RUSC2: variants seen among roughly 807,000 people sequenced by gnomAD.
RUSC2 encodes the protein AP-4 complex accessory subunit RUSC2.
RUSC2 carries 34 observed loss-of-function variants against 122.2 expected under a neutral mutation model. The observed-to-expected ratio is 0.28, with a 90% CI of 0.21 to 0.37. The LOEUF (loss-of-function observed/expected upper bound fraction) is 0.37, where lower values mean the gene tolerates loss of function less well. Among genes scored for constraint, RUSC2 ranks in the 10% least tolerant of loss-of-function variants. RUSC2 has a pLI of 1.00. For missense variants in RUSC2, 1,747 were observed against 1,952.4 expected, an observed-to-expected ratio of 0.89 and a Z score of 1.98; for synonymous variants, 784 against 790.0, an observed-to-expected ratio of 0.99 and a Z score of 0.13.
chr9:35,494,619 C>T (rs1303626718), intron 1 of RUSC2, among the ~76,000 whole-genome samples: 1 of 151,826 alleles, frequency 6.6e-6, no homozygotes, highest in African/African-American at 2.4e-5. Context: ...CTATTCAAGT[C>T]CTTTGCCCAT....
intron 1 of RUSC2, chr9:35,539,243 G>C (rs1464353270): frequency 1.3e-5 from 2 of 151,934 alleles, no homozygotes; most frequent in Non-Finnish European, 2.9e-5. Flanking sequence ...GGGGATAAAG[G>C]GGGGAACATG....
At chr9:35,536,900 G>A (rs986379294) in intron 1 of RUSC2, among the ~76,000 whole-genome samples, 2 of 150,974 alleles carry the variant, frequency 1.3e-5, no homozygotes, top group Non-Finnish European at 1.5e-5. Flanking sequence ...TCTGGGTAAT[G>A]AGAAACCATT....
intron 1 of RUSC2, among the ~76,000 whole-genome samples, chr9:35,497,871 G>T (rs530033286): frequency 3.3e-5 from 5 of 152,220 alleles, no homozygotes; most frequent in Admixed American, 3.3e-4. Flanking sequence ...ATCTACATCT[G>T]TCACACTTAG....
chr9:35,545,778 T>G (rs1315746145), intron 1 of RUSC2, among the ~76,000 whole-genome samples: 2 of 152,234 alleles, frequency 1.3e-5, no homozygotes, highest in East Asian at 3.9e-4. Context: ...CCCAACTCAG[T>G]GTCTGCATTC....
chr9:35,496,976 G>A (rs1399995360), intron 1 of RUSC2, among the ~76,000 whole-genome samples: 2 of 152,202 alleles, frequency 1.3e-5, no homozygotes, highest in Non-Finnish European at 2.9e-5. Flanking sequence ...ATTAAACTAT[G>A]AGTATGTATA....
chr9:35,503,267 C>G (rs994502028), intron 1 of RUSC2, among the ~76,000 whole-genome samples: 1 of 152,152 alleles, frequency 6.6e-6, no homozygotes. Context: ...CCACCCCCGC[C>G]GTTACTCCTC....
intron 1 of RUSC2, among the ~76,000 whole-genome samples, chr9:35,502,211 G>A (rs2132495239): frequency 6.6e-6 from 1 of 152,300 alleles, no homozygotes; most frequent in South Asian, 2.1e-4. Flanking sequence ...CACACTTTGA[G>A]TAGCATGACT....
In RUSC2 at chr9:35,555,557, C is replaced by G. The variant is rs764946002; in HGVS notation, c.2512C>G (p.Gln838Glu). ...ATSQQPQKED[Q>E]KILTLTEYRL... ...CTCCCAGCAGCCGCAGAAGGAGGAT[C>G]AGAAGATACTGACCTTGACTGAGTA... Residue 838 changes from glutamine (Q) to glutamate (E), a missense_variant, in exon 3 of 12, where the codon CAG becomes GAG. Transcript: ENST00000361226. This position sits in a 1 kb window ranked among gnomAD's most constrained non-coding sequence, Gnocchi z 4.6. 3.1e-6 allele frequency: 5 copies of G among 1,614,148 alleles called. No individual in the cohort carries two copies. The South Asian group carries it at 3.3e-5, about 11-fold the overall frequency.
chr9:35,508,575 A>T (rs1199273856), intron 1 of RUSC2, among the ~76,000 whole-genome samples: 1 of 152,240 alleles, frequency 6.6e-6, no homozygotes, highest in Non-Finnish European at 1.5e-5. Flanking sequence ...CGTCATCCAT[A>T]TGCAGAGAAT....
chr9:35,517,216 A>G (rs1821125532), intron 1 of RUSC2, among the ~76,000 whole-genome samples: 1 of 152,234 alleles, frequency 6.6e-6, no homozygotes, highest in South Asian at 2.1e-4. Flanking sequence ...CCCAGGGTAG[A>G]GACTTACAGA....
At chr9:35,495,059 C>CTATAGTA (rs1820662104) in intron 1 of RUSC2, among the ~76,000 whole-genome samples, 4 of 30,882 alleles carry the variant, frequency 1.3e-4, no homozygotes, top group African/African-American at 7.5e-4. Flanking sequence ...ATAATATATA[C>CTATAGTA]TATAGTATAT....
intron 1 of RUSC2, among the ~76,000 whole-genome samples, chr9:35,536,254 G>A (rs1017914678): frequency 2.6e-5 from 4 of 152,252 alleles, no homozygotes; most frequent in Admixed American, 2.6e-4. Flanking sequence ...ATTGATCCCC[G>A]TTTTTTGTGG....
At chr9:35,526,111 G>A (rs2132524054) in intron 1 of RUSC2, among the ~76,000 whole-genome samples, 1 of 152,144 alleles carries the variant, frequency 6.6e-6, no homozygotes, top group East Asian at 1.9e-4. Flanking sequence ...CTATAGTAGG[G>A]GGCATATGTT....
At chr9:35,502,741 A>G (rs1177756328) in intron 1 of RUSC2, among the ~76,000 whole-genome samples, 3 of 152,256 alleles carry the variant, frequency 2.0e-5, no homozygotes, top group African/African-American at 7.2e-5. Context: ...TGAATGAGCC[A>G]TAACTTGCTT....
intron 1 of RUSC2, among the ~76,000 whole-genome samples, chr9:35,527,164 G>T (rs946920435): frequency 6.6e-6 from 1 of 151,310 alleles, no homozygotes; most frequent in African/African-American, 2.4e-5. Context: ...TTGAGACAAG[G>T]TCTCACTGTG....
rs374923274 is a variant in RUSC2 at position 35,560,052 on chromosome 9, C to T, written c.3412C>T (p.Pro1138Ser). ...HEDIIQTHYQ[P>S]WGFLSAAHTV... ...AGACATCATCCAGACCCACTACCAG[C>T]CCTGGGGCTTCCTGAGTGCAGCTCA... is the stretch of plus-strand genomic sequence containing the variant. Residue 1138 changes from proline to serine, a missense_variant, in exon 10 of 12, where the codon CCC (proline) becomes TCC (serine). Transcript: ENST00000361226. The T allele has an allele frequency of 1.6e-5, 26 of 1,605,612 alleles. No homozygotes were observed. The highest frequency in any genetic ancestry group is 2.2e-5 in the East Asian group (1 of 44,636).
chr9:35,543,256 T>C (rs964203802), intron 1 of RUSC2, among the ~76,000 whole-genome samples: 1 of 152,034 alleles, frequency 6.6e-6, no homozygotes, highest in African/African-American at 2.4e-5. Context: ...AGAAACCATG[T>C]CTCTACAAAA....
chr9:35,495,477 A>G (rs1026488386), intron 1 of RUSC2, among the ~76,000 whole-genome samples: 1 of 151,376 alleles, frequency 6.6e-6, no homozygotes, highest in Non-Finnish European at 1.5e-5. Flanking sequence ...TCATCTGACC[A>G]GATATGTGAG....
intron 1 of RUSC2, among the ~76,000 whole-genome samples, chr9:35,492,100 T>C (rs998023956): frequency 1.3e-5 from 2 of 152,162 alleles, no homozygotes; most frequent in Non-Finnish European, 2.9e-5. Flanking sequence ...TGTCTAGGCT[T>C]CCTGTTAAGA....
Sources: gnomAD v4.1 joint callset for allele counts (sites outside exome capture counted in the v4.1 genomes callset) on GRCh38, gnomAD v4.1.1 for gene constraint, Gnocchi (gnomAD v3.1) non-coding constraint, MANE v1.5 for transcripts, NCBI Gene and HGNC (gene_info 2026-07-23, HGNC 2026-07-21) for gene names.